The following DGKB variants were observed in gnomAD, a reference collection of about 807,000 sequenced individuals.
The protein encoded by DGKB is 90 kDa diacylglycerol kinase.
In DGKB, 67 loss-of-function variants were observed where a neutral mutation model predicts 114.3. The observed-to-expected ratio is 0.59, with a 90% CI of 0.48 to 0.72. DGKB has a LOEUF of 0.72. Among genes scored for constraint, DGKB ranks in the 30% least tolerant of loss-of-function variants. The pLI is 0.00. For missense variants in DGKB, 907 were observed against 975.2 expected, an observed-to-expected ratio of 0.93 and a Z score of 0.93; for synonymous variants, 398 against 323.1, an observed-to-expected ratio of 1.23 and a Z score of -2.49.
At chr7:14,657,594 G>C (rs547782344) in intron 13 of DGKB, among the ~76,000 whole-genome samples, 1 of 151,810 alleles carries the variant, frequency 6.6e-6, no homozygotes, top group Non-Finnish European at 1.5e-5. Flanking sequence ...TTGCTTAAAG[G>C]TTAAAGAGGT....
At chr7:14,807,709 G>C (rs1842944050) in intron 2 of DGKB, among the ~76,000 whole-genome samples, 2 of 151,972 alleles carry the variant, frequency 1.3e-5, no homozygotes, top group Non-Finnish European at 2.9e-5. Context: ...TGCTTTCGAT[G>C]ATGATGTCAT....
chr7:14,852,357 G>T (rs1849468304), intron 1 of DGKB, among the ~76,000 whole-genome samples: 2 of 151,324 alleles, frequency 1.3e-5, no homozygotes, highest in Admixed American at 6.6e-5. Context: ...GGTGCATATT[G>T]TTTATCAATT....
In DGKB at chr7:14,179,628, C is replaced by T. The variant is rs138699505; in HGVS notation, c.2123-1477G>A. Among the ~76,000 whole-genome samples the T allele has an allele frequency of 6.5e-3, 985 of 152,224 alleles. 9 individuals carry two copies. The highest frequency in any genetic ancestry group is 0.022 in the African/African-American group (930 of 41,530). ...CTAATGATTTATTTTCAGTGTAGTT[C>T]AACTGTGTGGCAGCAAATAGTGCTT... On this transcript the variant is annotated intron_variant, in intron 23 of 25. Transcript: ENST00000402815.
At chr7:14,835,632 C>T (rs1180488636) in intron 2 of DGKB, among the ~76,000 whole-genome samples, 1 of 152,048 alleles carries the variant, frequency 6.6e-6, no homozygotes, top group Non-Finnish European at 1.5e-5. Context: ...AGAGGGCTAG[C>T]GTGTGATCTA....
chr7:14,405,782 G>A (rs1015809536), intron 21 of DGKB, among the ~76,000 whole-genome samples: 1 of 151,918 alleles, frequency 6.6e-6, no homozygotes, highest in Admixed American at 6.6e-5. Context: ...GTCTAGAATG[G>A]GACCTAAAGA....
chr7:14,933,890 A>T (rs1374900425), intron 1 of DGKB, among the ~76,000 whole-genome samples: 2 of 148,056 alleles, frequency 1.4e-5, no homozygotes, highest in Non-Finnish European at 3.1e-5. Flanking sequence ...GCTTTTTTTT[A>T]AATCAATTAT....
rs531630895 is a variant in DGKB at position 14,758,490 on chromosome 7, G to A, written c.71-759C>T. On this transcript the variant is annotated intron_variant, in intron 2 of 25. Coordinates refer to ENST00000402815, the MANE Select transcript of DGKB (RefSeq NM_001350709.2). ...ATTACAACGCATTTTTAAGTTAGAA[G>A]GAAATAATAGCTAACAAATATGGGT... Among the ~76,000 whole-genome samples the A allele has an allele frequency of 2.2e-3, 328 of 151,542 alleles. 2 individuals carry two copies. Among genetic ancestry groups the A allele is most frequent in the Non-Finnish European group, 3.6e-3 (246 of 67,936 alleles).
At chr7:14,649,995 G>A (rs1814069416) in intron 13 of DGKB, among the ~76,000 whole-genome samples, 1 of 150,912 alleles carries the variant, frequency 6.6e-6, no homozygotes, top group Non-Finnish European at 1.5e-5. Flanking sequence ...GATTCATAAA[G>A]CAAGTCCTGA....
intron 4 of DGKB, among the ~76,000 whole-genome samples, chr7:14,742,447 T>C (rs1472796074): frequency 6.6e-6 from 1 of 152,218 alleles, no homozygotes; most frequent in East Asian, 1.9e-4. Flanking sequence ...AGCTTTAATC[T>C]TTGAGAAATA....
Position 14,279,474 on chromosome 7 carries a change from A to G in DGKB, c.2122+59041T>C, listed in dbSNP as rs1799563259. The stretch of plus-strand genomic sequence containing the variant: ...ACAGCAGTAACCTCTGCAGACTTAA[A>G]TGTCCCTGTCTGACAGCTTTGGAGA... On this transcript the variant is annotated intron_variant, in intron 23 of 25. Transcript: ENST00000402815. Among the ~76,000 whole-genome samples, 3 of 152,202 alleles carry G rather than the reference A, an allele frequency of 2.0e-5. No individual in the cohort carries two copies. The South Asian group carries it at 6.2e-4, about 31-fold the overall frequency.
At chr7:14,418,124 T>TA (rs1825990795) in intron 21 of DGKB, among the ~76,000 whole-genome samples, 1 of 132,110 alleles carries the variant, frequency 7.6e-6, no homozygotes, top group South Asian at 2.5e-4. Flanking sequence ...GTTAGAGTTT[T>TA]TAAAAATATA....
At chr7:14,838,274 A>G (rs1847429108) in intron 2 of DGKB, among the ~76,000 whole-genome samples, 1 of 152,194 alleles carries the variant, frequency 6.6e-6, no homozygotes, top group South Asian at 2.1e-4. Flanking sequence ...TAATCAATTC[A>G]AATGGAATTT....
At chr7:14,290,980 A>G (rs1275643940) in intron 23 of DGKB, among the ~76,000 whole-genome samples, 1 of 151,556 alleles carries the variant, frequency 6.6e-6, no homozygotes, top group Non-Finnish European at 1.5e-5. Context: ...CATCTCTACT[A>G]AAAATACAAA....
At chr7:14,785,174 C>T (rs949283692) in intron 2 of DGKB, among the ~76,000 whole-genome samples, 16 of 151,200 alleles carry the variant, frequency 1.1e-4, no homozygotes, top group Non-Finnish European at 7.4e-5. Context: ...TTCAAAGTCT[C>T]GGAAAAAATA....
intron 20 of DGKB, among the ~76,000 whole-genome samples, chr7:14,552,492 G>T (rs541421358): frequency 3.9e-5 from 6 of 152,220 alleles, no homozygotes; most frequent in African/African-American, 1.2e-4. Context: ...TGTTTAACTG[G>T]ATTATCCACT....
intron 6 of DGKB, among the ~76,000 whole-genome samples, chr7:14,705,773 T>A (rs1409095809): frequency 6.6e-6 from 1 of 151,368 alleles, no homozygotes; most frequent in Non-Finnish European, 1.5e-5. Flanking sequence ...GCTAAGAGAT[T>A]TTGTCACCAC....
At chr7:14,840,723 CA>C (rs1847811189) in intron 2 of DGKB, among the ~76,000 whole-genome samples, 1 of 148,016 alleles carries the variant, frequency 6.8e-6, no homozygotes, top group South Asian at 2.1e-4. Context: ...CACACACACA[CA>C]CACACACACA....
At chr7:14,954,633 C>A (rs1786397848) in intron 1 of DGKB, among the ~76,000 whole-genome samples, 1 of 151,500 alleles carries the variant, frequency 6.6e-6, no homozygotes, top group South Asian at 2.1e-4. Context: ...AATATGGTGG[C>A]AAGATATACA....
intron 21 of DGKB, among the ~76,000 whole-genome samples, chr7:14,361,941 T>C (rs185982635): frequency 6.6e-6 from 1 of 152,088 alleles, no homozygotes; most frequent in East Asian, 1.9e-4. Context: ...TTTACATGAG[T>C]CAGAACAAAG....
Sources: allele counts gnomAD v4.1 joint callset (sites outside exome capture counted in the v4.1 genomes callset), GRCh38; gene constraint gnomAD v4.1.1; transcripts MANE v1.5; gene names NCBI Gene and HGNC (gene_info 2026-07-23, HGNC 2026-07-21).